CHERP: variants seen among roughly 807,000 people sequenced by gnomAD.
CHERP encodes the protein calcium homeostasis endoplasmic reticulum protein, also known as ERPROT 213-21.
A neutral mutation model predicts 113.8 loss-of-function variants in CHERP; 8 were observed. The observed-to-expected ratio is 0.07, with a 90% CI of 0.04 to 0.13. The LOEUF is 0.13. Ranked by LOEUF, CHERP falls within the 10% of genes least tolerant of loss-of-function variation. The probability of loss-of-function intolerance (pLI) is 1.00; values close to 1 mark genes in which losing one functional copy is unlikely to be tolerated. For missense variants in CHERP, 884 were observed against 1,298.2 expected (o/e 0.68, Z 4.90); for synonymous variants, 559 against 524.5 (o/e 1.07, Z -0.90).
rs757394350 is a variant in CHERP, at chr19:16,523,099, C to T, written c.1933G>A (p.Val645Met). Reference protein sequence around the residue: ...NHDDPSLVPNVPYFDLPAGLM... With the variant: ...NHDDPSLVPNMPYFDLPAGLM... ...CCAGCAGGGAGATCGAAGTAGGGCA[C>T]ATTGGGGACCAGGCTGGGGTCATCG... Residue 645 changes from valine to methionine, a missense_variant, in exon 11 of 17, where the codon GTG becomes ATG. Physicochemically the swap from Val to Met is conservative, Grantham distance 21 (BLOSUM62 1). Transcript: ENST00000546361. The surrounding 1 kb of genome is among the most constrained non-coding windows in gnomAD (Gnocchi z 4.0). 3.3e-6 allele frequency: 5 copies of T among 1,538,034 alleles called. No individual in the cohort carries two copies. In the African/African-American group the frequency reaches 7.1e-5, roughly 22 times the overall value.
Position 16,519,775 on chromosome 19 carries a change from G to C in CHERP, c.2463-60C>G. On this transcript the variant is annotated intron_variant, in intron 15 of 16. Transcript: ENST00000546361. This position sits in a 1 kb window ranked among gnomAD's most constrained non-coding sequence, Gnocchi z 6.0. ...AACTGAGACATTTATTGGAATGACA[G>C]TGATGAGGACCTCACAGCCGCAGCT... The C allele has an allele frequency of 7.1e-7, 1 of 1,414,708 alleles. No homozygotes were observed. Among genetic ancestry groups the C allele is most frequent in the African/African-American group, 1.4e-5 (1 of 71,048 alleles). The allele number at this position is 1,414,708 out of a possible 1,614,324, so 87.6% of individuals were successfully genotyped here.
At position 16,535,651 on chromosome 19, in the gene CHERP, G is replaced by T. The variant is rs780727834; in HGVS notation, c.200-15C>A. On this transcript the variant is annotated splice_polypyrimidine_tract_variant and intron_variant, in intron 2 of 16. Transcript: ENST00000546361. This position sits in a 1 kb window ranked among gnomAD's most constrained non-coding sequence, Gnocchi z 4.3. The stretch of plus-strand genomic sequence containing the variant: ...CTTGCAGATGACTGGAGGGAGAGGA[G>T]GAGGGGTGCCCCATGAGAATGCAGA... 2.4e-5 allele frequency: 36 copies of T among 1,491,766 alleles called. No individual in the cohort carries two copies. The highest frequency in any genetic ancestry group is 3.0e-5 in the Non-Finnish European group (34 of 1,122,578). 92.4% of individuals were successfully genotyped at this position (1,491,766 alleles called of 1,614,324 possible).
intron 2 of CHERP, chr19:16,541,568 A>G (rs2085779898): frequency 3.3e-6 from 1 of 307,078 alleles, no homozygotes; most frequent in Non-Finnish European, 6.0e-6. Flanking sequence ...CCTCCCTAGA[A>G]AACACTAAAA....
At chr19:16,522,914 CG>C (rs1414244116) in intron 11 of CHERP, 137 bp downstream of exon 11, 19 of 1,013,744 alleles carry the variant, frequency 1.9e-5, no homozygotes, top group African/African-American at 3.4e-5. Flanking sequence ...CTCCCACTGA[CG>C]GATCAGGGTC....
rs571777260 is a variant in CHERP at position 16,520,626 on chromosome 19, A to G, written c.2202-119T>C. 8.9e-4 allele frequency: 1,130 copies of G among 1,268,190 alleles called. 11 individuals are homozygous for G. The African/African-American group carries it at 0.015, about 16-fold the overall frequency. The allele number at this position is 1,268,190 out of a possible 1,614,324, so 78.6% of individuals were successfully genotyped here. A position where few individuals can be genotyped will look rare whatever the true frequency, so the allele number is the denominator to read the frequency against. ...GGGCTCTGGCTGTGGATGTGGCGCCATAGCCACAGCAACGGTACCAAGTTC... is the reference window on the plus strand; with the variant it reads ...GGGCTCTGGCTGTGGATGTGGCGCCGTAGCCACAGCAACGGTACCAAGTTC... On this transcript the variant is annotated intron_variant, in intron 13 of 16. Coordinates refer to ENST00000546361, the MANE Select transcript of CHERP (RefSeq NM_006387.6). The surrounding 1 kb of genome is among the most constrained non-coding windows in gnomAD (Gnocchi z 4.0).
chr19:16,541,673 T>C (rs915218275), intron 2 of CHERP, 197 bp downstream of exon 2: 2 of 535,104 alleles, frequency 3.7e-6, no homozygotes, highest in South Asian at 2.9e-5. Context: ...GAAAACCTCG[T>C]TGTTCTCCAT....
At position 16,541,934 on chromosome 19, in the gene CHERP, C is replaced by G. The variant is rs1306376705; in HGVS notation, c.135G>C (p.Ser45=). Residue 45 remains serine (S), a synonymous_variant, in exon 2 of 17, where the codon TCG becomes TCC. Coordinates refer to ENST00000546361, the MANE Select transcript of CHERP (RefSeq NM_006387.6). ...TGTAGAATTCGCCTCCGAAAAGAAACGAGAATTTGGGGTTGTCCTTCTGCT... is the reference window on the plus strand; with the variant it reads ...TGTAGAATTCGCCTCCGAAAAGAAAGGAGAATTTGGGGTTGTCCTTCTGCT... ...MEKQKDNPKF[S]FLFGGEFYSY... is the part of the protein sequence containing the mutation. 6.2e-7 allele frequency: 1 copy of G among 1,614,018 alleles called. No homozygotes were observed. Among genetic ancestry groups the G allele is most frequent in the Non-Finnish European group, 8.5e-7 (1 of 1,180,012 alleles).
chr19:16,542,209 T>C, intron 1 of CHERP, 145 bp downstream of exon 1: 1 of 1,067,772 alleles, frequency 9.4e-7, no homozygotes, highest in Non-Finnish European at 1.3e-6. Flanking sequence ...TCGCCGGGAA[T>C]GCGGGGACCC....
intron 11 of CHERP, among the ~76,000 whole-genome samples, chr19:16,522,244 G>A (rs561266360): frequency 7.4e-4 from 108 of 146,454 alleles, no homozygotes; most frequent in Non-Finnish European, 1.4e-3. Flanking sequence ...CCCAAGCCCC[G>A]GCCCTGGCCT....
rs1476033697 is a variant in CHERP at position 16,533,158 on chromosome 19, G to T, written c.385-10C>A. 8 of 1,572,320 alleles carry T rather than the reference G, an allele frequency of 5.1e-6. No homozygotes were observed. Among genetic ancestry groups the T allele is most frequent in the East Asian group, 2.3e-5 (1 of 43,182 alleles). On this transcript the variant is annotated splice_polypyrimidine_tract_variant and intron_variant, in intron 3 of 16. Transcript: ENST00000546361. ...CCGCTGTCACTTGCTCCTGCGGGCG[G>T]GGGTCGGTGGGGTCGAGAACACATG...
chr19:16,521,548 G>A lies in CHERP; in HGVS notation c.2087C>T (p.Pro696Leu), dbSNP rs868510978. The change falls in exon 12 of 17, where the codon CCC becomes CTC. Residue 696 changes from proline (P) to leucine (L), a missense_variant. Transcript: ENST00000546361. ...GTTCCTGGGCCTGTCGTGGGACGGG[G>A]GGCTGTAGAAGGCCTCCACTGCAGC... Reference protein sequence around the residue: ...LLAAVEAFYSPPSHDRPRNSE... With the variant: ...LLAAVEAFYSLPSHDRPRNSE... The A allele has an allele frequency of 1.9e-6, 3 of 1,602,760 alleles. No homozygotes were observed. The highest frequency in any genetic ancestry group is 1.7e-6 in the Non-Finnish European group (2 of 1,176,322).
In CHERP at chr19:16,542,380, G is replaced by A; in HGVS notation, c.-2C>T. 7.3e-7 allele frequency: 1 copy of A among 1,369,256 alleles called. No individual in the cohort carries two copies. The highest frequency in any genetic ancestry group is 9.5e-7 in the Non-Finnish European group (1 of 1,053,708). The allele number at this position is 1,369,256 out of a possible 1,614,324, so 84.8% of individuals were successfully genotyped here. ...ATCGGGGGGCAGCGGCATCTCCATG[G>A]CTCCGGCCGCGGGGAACGTCCTCCG... On this transcript the variant is annotated 5_prime_UTR_variant, in exon 1 of 17. Transcript: ENST00000546361.
intron 2 of CHERP, among the ~76,000 whole-genome samples, chr19:16,536,135 G>A (rs982968635): frequency 2.6e-5 from 4 of 152,064 alleles, no homozygotes; most frequent in Non-Finnish European, 5.9e-5. Context: ...CCGCACCCCC[G>A]AGCGCACACT....
At chr19:16,522,729 C>G (rs1345195725) in intron 11 of CHERP, among the ~76,000 whole-genome samples, 5 of 152,130 alleles carry the variant, frequency 3.3e-5, no homozygotes, top group Admixed American at 3.3e-4. Flanking sequence ...ATCAGCAGCC[C>G]TGGGACAAGG....
Position 16,525,383 on chromosome 19 carries a change from G to T in CHERP, c.1600C>A (p.Gln534Lys). The T allele has an allele frequency of 6.7e-7, 1 of 1,500,248 alleles. No homozygotes were observed. Among genetic ancestry groups the T allele is most frequent in the Non-Finnish European group, 8.9e-7 (1 of 1,124,712 alleles). 92.9% of individuals were successfully genotyped at this position (1,500,248 alleles called of 1,614,324 possible). A position where few individuals can be genotyped will look rare whatever the true frequency, so the allele number is the denominator to read the frequency against. The change falls in exon 10 of 17, where the codon CAG becomes AAG. Residue 534 changes from glutamine to lysine, a missense_variant. Transcript: ENST00000546361. The surrounding 1 kb of genome is among the most constrained non-coding windows in gnomAD (Gnocchi z 6.5). ...GPFPPHQQHP[Q>K]FNQPPHPHNF... The stretch of plus-strand genomic sequence containing the variant: ...TGGGGGTGCGGAGGCTGGTTGAACT[G>T]CGGGTGCTGCTGGTGGGGCGGGAAG...
At chr19:16,529,624 G>T in intron 8 of CHERP, 24 bp downstream of exon 8, 1 of 1,532,976 alleles carries the variant, frequency 6.5e-7, no homozygotes, top group Non-Finnish European at 8.8e-7. Flanking sequence ...CCTGGGGGCA[G>T]GCTGAGCTGA....
chr19:16,542,080 G>C, intron 1 of CHERP, 37 bp from the exon 2 acceptor site: 1 of 1,586,960 alleles, frequency 6.3e-7, no homozygotes, highest in Non-Finnish European at 8.6e-7. Context: ...GGGCGTCAGC[G>C]AGGACCGCCC....
intron 2 of CHERP, among the ~76,000 whole-genome samples, chr19:16,537,399 A>G (rs1308048591): frequency 6.6e-6 from 1 of 151,850 alleles, no homozygotes; most frequent in East Asian, 1.9e-4. Context: ...TGAGCTACTC[A>G]TTCCTGTGGC....
Position 16,525,734 on chromosome 19 carries a change from G to A in CHERP, c.1306-57C>T. 1 of 1,381,498 alleles carries A rather than the reference G, an allele frequency of 7.2e-7. No individual in the cohort carries two copies. Among genetic ancestry groups the A allele is most frequent in the African/African-American group, 1.5e-5 (1 of 67,244 alleles). The allele number at this position is 1,381,498 out of a possible 1,614,324, so 85.6% of individuals were successfully genotyped here. ...GTGGTCTAGGCCCTAGTGCTCGGCAGCATCACAGCGCTCGGCAGCATCACA... is the reference window on the plus strand; with the variant it reads ...GTGGTCTAGGCCCTAGTGCTCGGCAACATCACAGCGCTCGGCAGCATCACA... On this transcript the variant is annotated intron_variant, in intron 9 of 16. Coordinates refer to ENST00000546361, the MANE Select transcript of CHERP (RefSeq NM_006387.6). The surrounding 1 kb of genome is among the most constrained non-coding windows in gnomAD (Gnocchi z 6.5).
Sources: allele counts gnomAD v4.1 joint callset (sites outside exome capture counted in the v4.1 genomes callset), GRCh38; gene constraint gnomAD v4.1.1; non-coding constraint Gnocchi (gnomAD v3.1); transcripts MANE v1.5; gene names NCBI Gene and HGNC (gene_info 2026-07-23, HGNC 2026-07-21).